The following PARG variants were observed in gnomAD, a reference collection of about 807,000 sequenced individuals.
PARG encodes the protein poly(ADP-ribose) glycohydrolase, also known as mitochondrial poly(ADP-ribose) glycohydrolase.
Under a neutral mutation model 113.0 loss-of-function variants are expected in PARG, and 35 were observed. The ratio of observed to expected loss-of-function variants is 0.31; its 90% CI spans 0.24 to 0.41. PARG has a LOEUF of 0.41. Among genes scored for constraint, PARG ranks in the 10% least tolerant of loss-of-function variants. PARG has a pLI of 1.00. For missense variants in PARG, 797 were observed against 1,169.4 expected, an observed-to-expected ratio of 0.68 and a Z score of 4.64; for synonymous variants, 330 against 409.9, an observed-to-expected ratio of 0.81 and a Z score of 2.36.
chr10:49,848,604 T>C (rs1165743538), intron 13 of PARG, among the ~76,000 whole-genome samples: 3 of 149,040 alleles, frequency 2.0e-5, no homozygotes, highest in Non-Finnish European at 4.5e-5. Flanking sequence ...TTTATGTTAT[T>C]TCTTTTATGA....
chr10:49,836,393 G>A (rs1844934575), intron 15 of PARG, among the ~76,000 whole-genome samples: 1 of 139,666 alleles, frequency 7.2e-6, no homozygotes, highest in African/African-American at 2.6e-5. Context: ...CACCTCCCGG[G>A]TTCAAGCGAT....
At chr10:49,893,227 A>G (rs1430246070) in intron 7 of PARG, among the ~76,000 whole-genome samples, 1 of 152,106 alleles carries the variant, frequency 6.6e-6, no homozygotes, top group African/African-American at 2.4e-5. Context: ...CAACTGCTCC[A>G]TATCGCTACC....
intron 14 of PARG, 64 bp from the exon 15 acceptor site, chr10:49,842,122 C>G: frequency 8.8e-7 from 1 of 1,131,678 alleles, no homozygotes; most frequent in East Asian, 2.6e-5. Flanking sequence ...AAAATCCTCT[C>G]AGGGGTCAGG....
intron 7 of PARG, among the ~76,000 whole-genome samples, chr10:49,891,334 T>TA (rs1847770809): frequency 6.6e-6 from 1 of 150,530 alleles, no homozygotes; most frequent in South Asian, 2.1e-4. Flanking sequence ...AAATAAAAAA[T>TA]AAAAAAATAA....
chr10:49,856,511 A>G (rs1293818759), intron 13 of PARG, among the ~76,000 whole-genome samples: 3 of 152,242 alleles, frequency 2.0e-5, no homozygotes, highest in African/African-American at 7.2e-5. Context: ...TTAGGATTCA[A>G]AATAGGGTAA....
intron 7 of PARG, among the ~76,000 whole-genome samples, chr10:49,912,894 G>A (rs1435671340): frequency 2.0e-5 from 3 of 152,138 alleles, no homozygotes; most frequent in East Asian, 1.9e-4. Context: ...ATACAGCCCC[G>A]GAGGTTTGAG....
At chr10:49,920,129 A>G (rs1252142913) in intron 6 of PARG, among the ~76,000 whole-genome samples, 3 of 152,058 alleles carry the variant, frequency 2.0e-5, no homozygotes, top group African/African-American at 4.8e-5. Context: ...ATATAGCTGT[A>G]TAAGCACTAC....
chr10:49,824,389 T>A (rs1844250342), intron 16 of PARG, among the ~76,000 whole-genome samples: 1 of 152,110 alleles, frequency 6.6e-6, no homozygotes, highest in Admixed American at 6.6e-5. Flanking sequence ...TCTATTAGAG[T>A]ATGTGGACTG....
chr10:49,833,791 G>C (rs1844783802), intron 15 of PARG, among the ~76,000 whole-genome samples: 1 of 152,202 alleles, frequency 6.6e-6, no homozygotes, highest in African/African-American at 2.4e-5. Flanking sequence ...AAACTCCCCT[G>C]GGTTCTCAAG....
At chr10:49,819,821 G>T (rs908760114) in intron 17 of PARG, among the ~76,000 whole-genome samples, 2 of 152,178 alleles carry the variant, frequency 1.3e-5, no homozygotes, top group African/African-American at 4.8e-5. Context: ...ATGAGCGCTG[G>T]CAGGTCTGAG....
chr10:49,917,988 A>T (rs1478983431), intron 6 of PARG, among the ~76,000 whole-genome samples: 1 of 152,230 alleles, frequency 6.6e-6, no homozygotes, highest in East Asian at 1.9e-4. Context: ...TATATTGAAC[A>T]ACATGGATGA....
At chr10:49,825,959 T>C (rs1292506345) in intron 16 of PARG, among the ~76,000 whole-genome samples, 8 of 152,206 alleles carry the variant, frequency 5.3e-5, no homozygotes, top group Non-Finnish European at 1.2e-4. Context: ...ATTTCATTGT[T>C]TTTTTGGTAA....
chr10:49,869,632 C>T, intron 9 of PARG, 77 bp from the exon 10 acceptor site: 2 of 663,552 alleles, frequency 3.0e-6, no homozygotes, highest in Non-Finnish European at 5.5e-6. Flanking sequence ...ATCCATATTG[C>T]TACCAAGTAA....
intron 7 of PARG, among the ~76,000 whole-genome samples, chr10:49,903,482 A>G (rs1317679784): frequency 6.6e-6 from 1 of 151,890 alleles, no homozygotes; most frequent in African/African-American, 2.4e-5. Context: ...TCAGTTCAAG[A>G]AACATTAACT....
chr10:49,876,228 T>C (rs1846927558), intron 9 of PARG, among the ~76,000 whole-genome samples: 1 of 151,456 alleles, frequency 6.6e-6, no homozygotes, highest in Non-Finnish European at 1.5e-5. Context: ...CAGGTCCTTC[T>C]TGCAACAGTG....
At chr10:49,927,196 A>G (rs1438734566) in intron 4 of PARG, among the ~76,000 whole-genome samples, 1 of 151,950 alleles carries the variant, frequency 6.6e-6, no homozygotes, top group Non-Finnish European at 1.5e-5. Flanking sequence ...AGTCCCAGCT[A>G]CTTAGGAGGC....
rs527699687 is a variant in PARG at position 49,927,325 on chromosome 10, A to G, written c.1456-4656T>C. Among the ~76,000 whole-genome samples, 371 of 136,262 alleles carry G rather than the reference A, an allele frequency of 2.7e-3. 4 individuals are homozygous for G. The highest frequency in any genetic ancestry group is 0.011 in the African/African-American group (331 of 30,644). 89.4% of individuals were successfully genotyped at this position (136,262 alleles called of 152,430 possible). On this transcript the variant is annotated intron_variant, in intron 4 of 17. Transcript: ENST00000616448. ...TGTCAAGAAAGAAAGAAAGAAAGAA[A>G]GAAGGAAAGAAGGAAGGAAGGAAGG...
intron 16 of PARG, among the ~76,000 whole-genome samples, chr10:49,822,203 T>C (rs1025997522): frequency 4.6e-5 from 7 of 152,110 alleles, no homozygotes; most frequent in Non-Finnish European, 1.0e-4. Flanking sequence ...TGTATACTCA[T>C]GATGTCGAAA....
intron 13 of PARG, among the ~76,000 whole-genome samples, chr10:49,856,986 GCAA>G (rs1320806344): frequency 7.9e-6 from 1 of 126,946 alleles, no homozygotes; most frequent in African/African-American, 3.1e-5. Flanking sequence ...TCCAGCCTGG[GCAA>G]CAACAGCAAA....
Sources: allele counts gnomAD v4.1 joint callset (sites outside exome capture counted in the v4.1 genomes callset), GRCh38; gene constraint gnomAD v4.1.1; transcripts MANE v1.5; gene names NCBI Gene and HGNC (gene_info 2026-07-23, HGNC 2026-07-21).